POU2F1: variants seen among roughly 807,000 people sequenced by gnomAD.
POU2F1 encodes the protein POU domain, class 2, transcription factor 1.
A neutral mutation model predicts 84.9 loss-of-function variants in POU2F1; 16 were observed. That is an observed-to-expected ratio of 0.19 (90% CI 0.13 to 0.29). The LOEUF is 0.29. Among genes scored for constraint, POU2F1 ranks in the 10% least tolerant of loss-of-function variants. The pLI is 1.00. For synonymous variants in POU2F1, 368 were observed against 368.3 expected, an observed-to-expected ratio of 1.00 and a Z score of 0.01; for missense variants, 738 against 942.6, an observed-to-expected ratio of 0.78 and a Z score of 2.84.
chr1:167,327,505 C>T (rs1243582297), intron 1 of POU2F1, among the ~76,000 whole-genome samples: 1 of 152,166 alleles, frequency 6.6e-6, no homozygotes, highest in African/African-American at 2.4e-5. Flanking sequence ...GCAAGGGAAT[C>T]TTTTTAAAGG....
rs115124680 is a variant in POU2F1, at chr1:167,323,467, C to A, written c.62-9003C>A. Among the ~76,000 whole-genome samples the A allele has an allele frequency of 3.7e-3, 561 of 152,184 alleles. 2 individuals are homozygous for A. Among genetic ancestry groups the A allele is most frequent in the African/African-American group, 0.013 (547 of 41,536 alleles). On this transcript the variant is annotated intron_variant, in intron 1 of 15. Transcript: ENST00000367866. ...AGACCAGAAACATGTCATTTCAAAC[C>A]GCTTTCTGGTGGAGTAGCTTTCTCA...
At chr1:167,307,344 A>G (rs1394879640) in intron 1 of POU2F1, among the ~76,000 whole-genome samples, 4 of 152,178 alleles carry the variant, frequency 2.6e-5, no homozygotes, top group East Asian at 1.9e-4. Flanking sequence ...TGCAAGAGCA[A>G]TCTGACAGTG....
rs755270413 is a variant in POU2F1, at chr1:167,374,245, T to C, written c.540T>C (p.Ala180=). 3.1e-6 allele frequency: 5 copies of C among 1,613,768 alleles called. No individual in the cohort carries two copies. Among genetic ancestry groups the C allele is most frequent in the Non-Finnish European group, 4.2e-6 (5 of 1,179,908 alleles). ...SAAGATISAS[A]ATPMTQIPLS... is the part of the protein sequence containing the mutation. ...CTGGAGCCACCATCTCCGCCTCTGC[T>C]GCCACGCCCATGACGCAGATCCCCC... Residue 180 remains alanine (A), a synonymous_variant, in exon 6 of 16, where the codon GCT becomes GCC. Coordinates refer to ENST00000367866, the MANE Select transcript of POU2F1 (RefSeq NM_002697.4).
At chr1:167,356,763 C>T (rs948520644) in intron 2 of POU2F1, among the ~76,000 whole-genome samples, 3 of 152,166 alleles carry the variant, frequency 2.0e-5, no homozygotes, top group African/African-American at 4.8e-5. Context: ...AAGCAGGCAC[C>T]GAGGTCAAGT....
intron 1 of POU2F1, among the ~76,000 whole-genome samples, chr1:167,298,448 AT>A (rs1156559851): frequency 6.6e-6 from 1 of 151,870 alleles, no homozygotes. Context: ...TTAAATGTAA[AT>A]TTTTTTTCTG....
chr1:167,412,993 G>A (rs1321147302), intron 14 of POU2F1, 33 bp from the exon 15 acceptor site: 21 of 1,558,988 alleles, frequency 1.3e-5, no homozygotes, highest in Non-Finnish European at 1.9e-5. Context: ...GCGTCTGCAT[G>A]GTAATAAAGT....
At position 167,418,335 on chromosome 1, in the gene POU2F1, C is replaced by T. The variant is rs1650436793; in HGVS notation, c.*2525C>T. ...GTAAATAGAATGACAATGTCAATTA[C>T]TAATTTCTCTCCTCTCCATTCACTT... On this transcript the variant is annotated 3_prime_UTR_variant, in exon 16 of 16. Transcript: ENST00000367866. The T allele has an allele frequency of 6.6e-6, 1 of 152,184 alleles. No individual in the cohort carries two copies. The highest frequency in any genetic ancestry group is 1.9e-4 in the East Asian group (1 of 5,198). The allele number at this position is 152,184 out of a possible 1,614,324, so 9.4% of individuals were successfully genotyped here. A position where few individuals can be genotyped will look rare whatever the true frequency, so the allele number is the denominator to read the frequency against.
chr1:167,288,600 G>A (rs1383562377), intron 1 of POU2F1, among the ~76,000 whole-genome samples: 1 of 152,192 alleles, frequency 6.6e-6, no homozygotes, highest in Non-Finnish European at 1.5e-5. Context: ...TGAGGCAGGA[G>A]TGTTTGTGCC....
Position 167,419,197 on chromosome 1 carries a change from C to T in POU2F1, c.*3387C>T, listed in dbSNP as rs1003908298. ...GATACTCAAATTTAACTTTTAGCCA[C>T]CTTATATGGGAGAGCCTGGAAACTA... is the stretch of plus-strand genomic sequence containing the variant. On this transcript the variant is annotated 3_prime_UTR_variant, in exon 16 of 16. Transcript: ENST00000367866. 1.3e-5 allele frequency: 2 copies of T among 152,056 alleles called. No homozygotes were observed. Among genetic ancestry groups the T allele is most frequent in the African/African-American group, 4.8e-5 (2 of 41,382 alleles). The allele number at this position is 152,056 out of a possible 1,614,324, so 9.4% of individuals were successfully genotyped here.
intron 1 of POU2F1, among the ~76,000 whole-genome samples, chr1:167,286,258 C>G (rs1177888353): frequency 6.6e-6 from 1 of 152,086 alleles, no homozygotes; most frequent in Non-Finnish European, 1.5e-5. Flanking sequence ...TCTCTTTAGC[C>G]TTAGAGTCAG....
chr1:167,384,507 T>A (rs1189689767), intron 8 of POU2F1, among the ~76,000 whole-genome samples: 1 of 152,096 alleles, frequency 6.6e-6, no homozygotes, highest in Non-Finnish European at 1.5e-5. Flanking sequence ...TCTCTGGACC[T>A]CAGTCTTCTC....
intron 1 of POU2F1, among the ~76,000 whole-genome samples, chr1:167,266,130 A>AT (rs1177709033): frequency 6.6e-6 from 1 of 152,192 alleles, no homozygotes; most frequent in African/African-American, 2.4e-5. Context: ...TGATTCTGCC[A>AT]TTTTTTTAAA....
At chr1:167,322,385 C>T (rs1294597901) in intron 1 of POU2F1, among the ~76,000 whole-genome samples, 2 of 152,188 alleles carry the variant, frequency 1.3e-5, no homozygotes, top group African/African-American at 2.4e-5. Flanking sequence ...ACTTGCACTC[C>T]TTTTAAATTT....
chr1:167,299,764 AT>A (rs1313777073), intron 1 of POU2F1, among the ~76,000 whole-genome samples: 1 of 149,014 alleles, frequency 6.7e-6, no homozygotes, highest in African/African-American at 2.6e-5. Flanking sequence ...AAAGCATTGC[AT>A]TTTCTATTTC....
intron 9 of POU2F1, 98 bp downstream of exon 9, chr1:167,389,859 A>G (rs1195077964): frequency 1.5e-6 from 2 of 1,369,664 alleles, no homozygotes; most frequent in Non-Finnish European, 2.0e-6. Flanking sequence ...GGATTCAACT[A>G]GTCCAAAATA....
intron 5 of POU2F1, among the ~76,000 whole-genome samples, 197 bp from the exon 6 acceptor site, chr1:167,373,911 G>T (rs1246557060): frequency 6.6e-6 from 1 of 151,914 alleles, no homozygotes; most frequent in East Asian, 1.9e-4. Flanking sequence ...CCATAGTGGG[G>T]ACCACCATTT....
In POU2F1 at chr1:167,358,737, T is replaced by TTTTTTTTTTTTTTTTTTTTG. The variant is rs71097670; in HGVS notation, c.128-6730_128-6729insTTTTTTTTTTTTTTTTTTTG. On this transcript the variant is annotated intron_variant, in intron 2 of 15. Coordinates refer to ENST00000367866, the MANE Select transcript of POU2F1 (RefSeq NM_002697.4). Reference sequence around the variant, plus strand: ...GCAGCTTTTTTTTTTTTTTTTTTTTTGAGACAGGTTCTGACTGTGCTGCTC... The same window carrying TTTTTTTTTTTTTTTTTTTTG: ...GCAGCTTTTTTTTTTTTTTTTTTTTTTTTTTTTTTTTTTTTTTTTGGAGACAGGTTCTGACTGTGCTGCTC... Among the ~76,000 whole-genome samples, 24 of 88,830 alleles carry TTTTTTTTTTTTTTTTTTTTG rather than the reference T, an allele frequency of 2.7e-4. 5 individuals carry two copies. The highest frequency in any genetic ancestry group is 9.3e-4 in the South Asian group (2 of 2,146). 58.3% of individuals were successfully genotyped at this position (88,830 alleles called of 152,430 possible). A position where few individuals can be genotyped will look rare whatever the true frequency, so the allele number is the denominator to read the frequency against.
intron 1 of POU2F1, among the ~76,000 whole-genome samples, chr1:167,298,396 G>A (rs1304693639): frequency 4.6e-5 from 7 of 151,878 alleles, no homozygotes; most frequent in African/African-American, 1.2e-4. Context: ...TATGATACAA[G>A]CATTTTCTAA....
chr1:167,231,711 A>T (rs1470716242), intron 1 of POU2F1, among the ~76,000 whole-genome samples: 1 of 152,226 alleles, frequency 6.6e-6, no homozygotes, highest in Non-Finnish European at 1.5e-5. Context: ...TACTGGTTGT[A>T]GTTTAATGAG....
Sources: gnomAD v4.1 joint callset for allele counts (sites outside exome capture counted in the v4.1 genomes callset) on GRCh38, gnomAD v4.1.1 for gene constraint, MANE v1.5 for transcripts, NCBI Gene and HGNC (gene_info 2026-07-23, HGNC 2026-07-21) for gene names.